ZNF184: variants seen among roughly 807,000 people sequenced by gnomAD.
ZNF184 encodes zinc finger protein 184, also known as zinc finger protein 184 (Kruppel-like).
ZNF184 carries 16 observed loss-of-function variants against 54.4 expected under a neutral mutation model. That is an observed-to-expected ratio of 0.29 (90% CI 0.20 to 0.45). The LOEUF is 0.45. ZNF184 is among the 20% of genes least tolerant of loss of function. ZNF184 has a pLI of 1.00. For synonymous variants in ZNF184, 254 were observed against 295.3 expected (o/e 0.86, Z 1.43); for missense variants, 681 against 888.2 (o/e 0.77, Z 2.97).
the ZNF184 span, among the ~76,000 whole-genome samples, chr6:27,420,649 A>T: frequency 6.6e-6 from 1 of 152,222 alleles, no homozygotes; most frequent in Non-Finnish European, 1.5e-5. Context: ...ACATCACCAA[A>T]TGCTGATGAA....
At chr6:27,471,637 A>G (rs1436382856) in intron 2 of ZNF184, among the ~76,000 whole-genome samples, 5 of 152,264 alleles carry the variant, frequency 3.3e-5, no homozygotes, top group African/African-American at 1.2e-4. Context: ...TAGATACATC[A>G]CATAGACCAA....
chr6:27,468,043 G>T, intron 2 of ZNF184, 123 bp from the exon 3 acceptor site: 2 of 844,036 alleles, frequency 2.4e-6, no homozygotes, highest in African/African-American at 1.8e-5. Context: ...TTATATTTTA[G>T]AATGCAAAAA....
At position 27,452,465 on chromosome 6, in the gene ZNF184, T is replaced by C. The variant is rs150707494; in HGVS notation, c.1094A>G (p.Asp365Gly). Reference sequence around the variant, plus strand: ...CCTGGTGAAGGTTTTATCACATTCATCACATTTAAAAGGTTTTTCTCCCGT... The same window carrying C: ...CCTGGTGAAGGTTTTATCACATTCACCACATTTAAAAGGTTTTTCTCCCGT... ...IHTGEKPFKC[D>G]ECDKTFTRST... is the part of the protein sequence containing the mutation. The change falls in exon 6 of 6, where the codon GAT becomes GGT. Residue 365 changes from aspartate to glycine, a missense_variant. Transcript: ENST00000683788. This position sits in a 1 kb window ranked among gnomAD's most constrained non-coding sequence, Gnocchi z 5.5. The C allele has an allele frequency of 6.2e-7, 1 of 1,614,020 alleles. No homozygotes were observed.
the ZNF184 span, among the ~76,000 whole-genome samples, chr6:27,442,874 GAAAGAAAAAGAAA>G: frequency 8.9e-5 from 6 of 67,360 alleles, no homozygotes; most frequent in African/African-American, 2.4e-4. Flanking sequence ...AAGAAAGAAA[GAAAGAAAAAGAAA>G]AAAAGAAAGA....
At chr6:27,465,531 C>T (rs1326041777) in intron 3 of ZNF184, among the ~76,000 whole-genome samples, 6 of 143,000 alleles carry the variant, frequency 4.2e-5, no homozygotes. Context: ...CTACATGTTG[C>T]TTGTAAGTAA....
chr6:27,424,384 T>G, the ZNF184 span, among the ~76,000 whole-genome samples: 1 of 152,214 alleles, frequency 6.6e-6, no homozygotes, highest in Non-Finnish European at 1.5e-5. Context: ...TTGCCACTGC[T>G]GGCCCCGCAG....
chr6:27,452,741 G>T lies in ZNF184; in HGVS notation c.818C>A (p.Thr273Asn). ...ATCACATTTATATGGTTTATCTCCA[G>T]TATGAATTCTTTGATGGTTTATAAG... is the stretch of plus-strand genomic sequence containing the variant. ...ENLINHQRIH[T>N]GDKPYKCDQC... The change falls in exon 6 of 6, where the codon ACT (threonine) becomes AAT (asparagine). Residue 273 changes from threonine (T) to asparagine (N), a missense_variant. Thr to Asn is a moderately conservative substitution (Grantham distance 65). Transcript: ENST00000683788. The surrounding 1 kb of genome is among the most constrained non-coding windows in gnomAD (Gnocchi z 5.5). The T allele has an allele frequency of 6.2e-7, 1 of 1,614,014 alleles. No individual in the cohort carries two copies. The highest frequency in any genetic ancestry group is 8.5e-7 in the Non-Finnish European group (1 of 1,179,990).
At chr6:27,461,074 G>A (rs1212545318) in intron 3 of ZNF184, among the ~76,000 whole-genome samples, 4 of 152,148 alleles carry the variant, frequency 2.6e-5, no homozygotes, top group Non-Finnish European at 4.4e-5. Flanking sequence ...AAAGAAACAC[G>A]GAAATTTATG....
chr6:27,453,398 G>A lies in ZNF184; in HGVS notation c.299-138C>T. On this transcript the variant is annotated intron_variant, in intron 5 of 5. Coordinates refer to ENST00000683788, the MANE Select transcript of ZNF184 (RefSeq NM_001318891.2). This position sits in a 1 kb window ranked among gnomAD's most constrained non-coding sequence, Gnocchi z 4.7. Reference sequence around the variant, plus strand: ...TTCAAATATATAGCCATATTATTTGGGGAGAAAGTTGGAAGGAGCTAAGGA... The same window carrying A: ...TTCAAATATATAGCCATATTATTTGAGGAGAAAGTTGGAAGGAGCTAAGGA... 2 of 892,784 alleles carry A rather than the reference G, an allele frequency of 2.2e-6. No individual in the cohort carries two copies. The highest frequency in any genetic ancestry group is 3.1e-6 in the Non-Finnish European group (2 of 638,814). The allele number at this position is 892,784 out of a possible 1,614,324, so 55.3% of individuals were successfully genotyped here. A position where few individuals can be genotyped will look rare whatever the true frequency, so the allele number is the denominator to read the frequency against.
rs61602778 is a variant in ZNF184 at position 27,465,016 on chromosome 6, C to CAAAAAAAAAAAAAAAAAAAAAAAAAAAAA, written c.75+2836_75+2837insTTTTTTTTTTTTTTTTTTTTTTTTTTTTT. Among the ~76,000 whole-genome samples the CAAAAAAAAAAAAAAAAAAAAAAAAAAAAA allele has an allele frequency of 6.1e-5, 3 of 48,918 alleles. 1 individual carries two copies. Among genetic ancestry groups the CAAAAAAAAAAAAAAAAAAAAAAAAAAAAA allele is most frequent in the African/African-American group, 2.3e-4 (2 of 8,698 alleles). The allele number at this position is 48,918 out of a possible 152,430, so 32.1% of individuals were successfully genotyped here. A position where few individuals can be genotyped will look rare whatever the true frequency, so the allele number is the denominator to read the frequency against. On this transcript the variant is annotated intron_variant, in intron 3 of 5. Coordinates refer to ENST00000683788, the MANE Select transcript of ZNF184 (RefSeq NM_001318891.2). ...TGGGCGACAGAGCAAGACTCTGTCT[C>CAAAAAAAAAAAAAAAAAAAAAAAAAAAAA]AAAAAAAAAAAAAAAAAAAAATAGA... is the stretch of plus-strand genomic sequence containing the variant.
chr6:27,413,994 A>T, the ZNF184 span, among the ~76,000 whole-genome samples: 5,437 of 152,274 alleles, frequency 0.036, 204 homozygotes, highest in African/African-American at 0.095. Context: ...CTTTCTAATA[A>T]TCTTGTTCAC....
chr6:27,435,672 T>C, the ZNF184 span, among the ~76,000 whole-genome samples: 1 of 152,232 alleles, frequency 6.6e-6, no homozygotes, highest in Non-Finnish European at 1.5e-5. Flanking sequence ...CTTCCAATAA[T>C]GTGTTGTAAA....
chr6:27,446,213 C>T (rs1175118308), downstream of ZNF184, among the ~76,000 whole-genome samples: 1 of 152,180 alleles, frequency 6.6e-6, no homozygotes, highest in Non-Finnish European at 1.5e-5. Context: ...CAAAGATCTT[C>T]AAGTCTGCCC....
chr6:27,435,354 T>C, the ZNF184 span, among the ~76,000 whole-genome samples: 1 of 152,186 alleles, frequency 6.6e-6, no homozygotes, highest in Non-Finnish European at 1.5e-5. Flanking sequence ...GTACAAATCA[T>C]TCACCTCCTT....
the ZNF184 span, among the ~76,000 whole-genome samples, chr6:27,423,184 C>T: frequency 6.6e-6 from 1 of 152,234 alleles, no homozygotes; most frequent in Non-Finnish European, 1.5e-5. Flanking sequence ...AGACTCAATT[C>T]CCCAGAAGTC....
chr6:27,454,743 A>T (rs927909582), intron 5 of ZNF184, among the ~76,000 whole-genome samples: 2 of 152,222 alleles, frequency 1.3e-5, no homozygotes, highest in Non-Finnish European at 2.9e-5. Context: ...AGGGCAAAAA[A>T]TGAAGGGATG....
the ZNF184 span, among the ~76,000 whole-genome samples, chr6:27,422,620 T>G: frequency 0.55 from 83,010 of 151,894 alleles, 23,089 homozygotes; most frequent in Middle Eastern, 0.74. Context: ...TTTGGATATG[T>G]TCCTCATGTG....
chr6:27,457,896 TC>T (rs1762900909), intron 3 of ZNF184, among the ~76,000 whole-genome samples: 1 of 151,746 alleles, frequency 6.6e-6, no homozygotes, highest in Non-Finnish European at 1.5e-5. Context: ...AAATAGAAAA[TC>T]CAGAAACAGA....
At chr6:27,408,872 C>T in the ZNF184 span, among the ~76,000 whole-genome samples, 1 of 152,116 alleles carries the variant, frequency 6.6e-6, no homozygotes. Context: ...AAACTACCAA[C>T]TAGCCTAGCC....
Sources: allele counts gnomAD v4.1 joint callset (sites outside exome capture counted in the v4.1 genomes callset), GRCh38; gene constraint gnomAD v4.1.1; non-coding constraint Gnocchi (gnomAD v3.1); transcripts MANE v1.5; gene names NCBI Gene and HGNC (gene_info 2026-07-23, HGNC 2026-07-21).